PLB1: variants seen among roughly 807,000 people sequenced by gnomAD.
PLB1 encodes phospholipase B1.
Under a neutral mutation model 227.4 loss-of-function variants are expected in PLB1, and 242 were observed. The observed-to-expected ratio is 1.06, with a 90% CI of 0.96 to 1.18. The LOEUF (loss-of-function observed/expected upper bound fraction) is 1.18, where lower values mean the gene tolerates loss of function less well. Ranked by LOEUF, PLB1 falls within the 50% of genes most tolerant of loss-of-function variation. The pLI, the probability that PLB1 is intolerant of heterozygous loss-of-function variation, is 0.00. For synonymous variants in PLB1, 757 were observed against 682.2 expected (o/e 1.11, Z -1.71); for missense variants, 1,858 against 1,816.3 (o/e 1.02, Z -0.42).
At chr2:28,582,993 G>A (rs1680304255) in intron 25 of PLB1, among the ~76,000 whole-genome samples, 1 of 152,088 alleles carries the variant, frequency 6.6e-6, no homozygotes, top group Admixed American at 6.5e-5. Flanking sequence ...AGAGAAGGAG[G>A]TCAAACCAGA....
At position 28,529,863 on chromosome 2, in the gene PLB1, AC is replaced by A; in HGVS notation, c.468+86del. ...AGACCGAAGTGATGATGACCCTCGTACCATTTTACCATGAACTCGGCAACTA... is the reference window on the plus strand; with the variant it reads ...AGACCGAAGTGATGATGACCCTCGTACATTTTACCATGAACTCGGCAACTA... On this transcript the variant is annotated intron_variant, in intron 8 of 57. Coordinates refer to ENST00000327757, the MANE Select transcript of PLB1 (RefSeq NM_153021.5). 2.3e-6 allele frequency: 3 copies of A among 1,289,682 alleles called. 1 individual carries two copies. The highest frequency in any genetic ancestry group is 3.4e-6 in the Non-Finnish European group (3 of 893,536). The allele number at this position is 1,289,682 out of a possible 1,614,324, so 79.9% of individuals were successfully genotyped here.
chr2:28,615,367 A>G (rs1558922878), intron 44 of PLB1, among the ~76,000 whole-genome samples: 1 of 152,192 alleles, frequency 6.6e-6, no homozygotes, highest in South Asian at 2.1e-4. Flanking sequence ...CTCAGGAGAG[A>G]GTGACATGAT....
intron 9 of PLB1, among the ~76,000 whole-genome samples, chr2:28,537,895 A>T (rs191387213): frequency 1.3e-5 from 2 of 152,276 alleles, no homozygotes; most frequent in African/African-American, 2.4e-5. Context: ...TCCGAGGCCC[A>T]TCTGGGGCCT....
At chr2:28,507,774 A>G (rs930895681) in intron 1 of PLB1, among the ~76,000 whole-genome samples, 1 of 152,232 alleles carries the variant, frequency 6.6e-6, no homozygotes, top group Non-Finnish European at 1.5e-5. Flanking sequence ...TGTGGGCATC[A>G]GAGGATGGAG....
intron 17 of PLB1, among the ~76,000 whole-genome samples, chr2:28,558,166 G>A (rs1174400321): frequency 1.8e-4 from 27 of 151,936 alleles, no homozygotes; most frequent in Non-Finnish European, 3.7e-4. Context: ...CTGTGTGTGT[G>A]TGTGTGTGTG....
intron 47 of PLB1, 103 bp from the exon 48 acceptor site, chr2:28,620,497 C>T: frequency 6.9e-7 from 1 of 1,452,342 alleles, no homozygotes; most frequent in Non-Finnish European, 9.4e-7. Flanking sequence ...GGGAGAGACG[C>T]CCCAGGGGCC....
chr2:28,578,470 T>A (rs1679369357), intron 22 of PLB1, among the ~76,000 whole-genome samples: 1 of 151,886 alleles, frequency 6.6e-6, no homozygotes. Context: ...TGCCACGTGC[T>A]CCACCGAAAG....
intron 14 of PLB1, 53 bp downstream of exon 14, chr2:28,543,321 C>G: frequency 1.3e-6 from 2 of 1,571,178 alleles, no homozygotes; most frequent in Non-Finnish European, 1.7e-6. Flanking sequence ...AAGGTCTCCA[C>G]CACCACTGAG....
At chr2:28,578,242 C>T in intron 22 of PLB1, 84 bp downstream of exon 22, 1 of 1,392,632 alleles carries the variant, frequency 7.2e-7, no homozygotes, top group South Asian at 1.2e-5. Flanking sequence ...GGTTGGGAGC[C>T]CGGCTTGGGT....
intron 1 of PLB1, 41 bp downstream of exon 1, chr2:28,496,210 C>T: frequency 1.3e-5 from 21 of 1,587,982 alleles, no homozygotes; most frequent in Non-Finnish European, 1.8e-5. Context: ...AGTGGTTTAG[C>T]CCCGCTGGTG....
At chr2:28,617,678 C>G in intron 44 of PLB1, 49 bp from the exon 45 acceptor site, 3 of 1,576,086 alleles carry the variant, frequency 1.9e-6, no homozygotes, top group Non-Finnish European at 2.6e-6. Flanking sequence ...AAGCTTATCT[C>G]CCTGCACAAT....
chr2:28,637,478 C>T (rs146771959), intron 56 of PLB1, among the ~76,000 whole-genome samples: 3 of 152,220 alleles, frequency 2.0e-5, no homozygotes, highest in African/African-American at 7.2e-5. Context: ...CTGGTCCCCA[C>T]AGAGAAATCA....
In PLB1 at chr2:28,548,865, G is replaced by T. The variant is rs1176259675; in HGVS notation, c.942G>T (p.Glu314Asp). 6.2e-7 allele frequency: 1 copy of T among 1,614,116 alleles called. No homozygotes were observed. Among genetic ancestry groups the T allele is most frequent in the Admixed American group, 1.7e-5 (1 of 60,022 alleles). Residue 314 changes from glutamate to aspartate, a missense_variant, in exon 15 of 58, where the codon GAG (glutamate) becomes GAT (aspartate). Coordinates refer to ENST00000327757, the MANE Select transcript of PLB1 (RefSeq NM_153021.5). ...LAWHLWNRMM[E>D]PAGEKDEPLS... ...AAGCCCACGTTCCTTTCTAGATGGAGCCAGCAGGAGAGAAAGATGAGCCAT... is the reference window on the plus strand; with the variant it reads ...AAGCCCACGTTCCTTTCTAGATGGATCCAGCAGGAGAGAAAGATGAGCCAT...
intron 53 of PLB1, among the ~76,000 whole-genome samples, chr2:28,630,209 C>CTGGTT (rs1688406824): frequency 1.3e-5 from 2 of 152,186 alleles, no homozygotes; most frequent in South Asian, 4.1e-4. Context: ...GCCATTGTGG[C>CTGGTT]TGGTTTCCTA....
intron 14 of PLB1, 129 bp downstream of exon 14, chr2:28,543,397 G>C: frequency 1.0e-6 from 1 of 953,212 alleles, no homozygotes; most frequent in Admixed American, 2.8e-5. Flanking sequence ...TGGGCCACCA[G>C]GGATGCTTCT....
At position 28,538,343 on chromosome 2, in the gene PLB1, G is replaced by A. The variant is rs1671986037; in HGVS notation, c.580G>A (p.Asp194Asn). ...GAATGGGCTTGCGGCGGGCGGCGTG[G>A]ATGAGCTGATGGGGGTGCTGGACTA... Reference protein sequence around the residue: ...QQNGLAAGGVDELMGVLDYLQ... With the variant: ...QQNGLAAGGVNELMGVLDYLQ... The change falls in exon 10 of 58, where the codon GAT (aspartate) becomes AAT (asparagine). Residue 194 changes from aspartate to asparagine, a missense_variant. Coordinates refer to ENST00000327757, the MANE Select transcript of PLB1 (RefSeq NM_153021.5). 6.2e-7 allele frequency: 1 copy of A among 1,613,118 alleles called. No individual in the cohort carries two copies. The highest frequency in any genetic ancestry group is 2.2e-5 in the East Asian group (1 of 44,842).
chr2:28,604,011 G>A lies in PLB1; in HGVS notation c.2820G>A (p.Glu940=). The A allele has an allele frequency of 6.2e-7, 1 of 1,614,232 alleles. No individual in the cohort carries two copies. Among genetic ancestry groups the A allele is most frequent in the Non-Finnish European group, 8.5e-7 (1 of 1,180,034 alleles). The stretch of plus-strand genomic sequence containing the variant: ...TGACCCTGCGGGAGAACTCCCAAGA[G>A]CTAGCCAGGCTGGAGGCCTTCAGCC... The part of the protein sequence containing the change: ...CVLTLRENSQ[E]LARLEAFSRA... The change falls in exon 40 of 58, where the codon GAG becomes GAA. Residue 940 remains glutamate (E), a synonymous_variant. Coordinates refer to ENST00000327757, the MANE Select transcript of PLB1 (RefSeq NM_153021.5).
intron 22 of PLB1, among the ~76,000 whole-genome samples, chr2:28,579,116 T>C (rs1257611609): frequency 6.6e-6 from 1 of 152,208 alleles, no homozygotes; most frequent in African/African-American, 2.4e-5. Flanking sequence ...CTTACCCTAC[T>C]CAGCCTCTCT....
chr2:28,641,153 CA>C (rs1689933192), intron 57 of PLB1, 152 bp downstream of exon 57: 1 of 722,474 alleles, frequency 1.4e-6, no homozygotes, highest in Admixed American at 3.1e-5. Context: ...TCCCCAGTGC[CA>C]CGGAAACTTC....
Sources: gnomAD v4.1 joint callset for allele counts (sites outside exome capture counted in the v4.1 genomes callset) on GRCh38, gnomAD v4.1.1 for gene constraint, MANE v1.5 for transcripts, NCBI Gene and HGNC (gene_info 2026-07-23, HGNC 2026-07-21) for gene names.